UBE2E2: variants seen among roughly 807,000 people sequenced by gnomAD.
UBE2E2 encodes the protein ubiquitin-conjugating enzyme E2 E2.
Under a neutral mutation model 24.7 loss-of-function variants are expected in UBE2E2, and 6 were observed. The ratio of observed to expected loss-of-function variants is 0.24; its 90% CI spans 0.13 to 0.48. The LOEUF (loss-of-function observed/expected upper bound fraction) is 0.48. UBE2E2 is among the 20% of genes least tolerant of loss of function. The pLI, the probability that UBE2E2 is intolerant of heterozygous loss-of-function variation, is 0.99. For missense variants in UBE2E2, 169 were observed against 245.0 expected, an observed-to-expected ratio of 0.69 and a Z score of 2.07; for synonymous variants, 104 against 83.6, an observed-to-expected ratio of 1.24 and a Z score of -1.33.
In UBE2E2 at chr3:23,583,494, C is replaced by T. The variant is rs1025959293; in HGVS notation, c.509-6240C>T. 9.2e-5 allele frequency among the ~76,000 whole-genome samples: 14 copies of T among 152,268 alleles called. No individual in the cohort carries two copies. The highest frequency in any genetic ancestry group is 1.3e-4 in the Non-Finnish European group (9 of 68,012). ...GTCATTGGTAGTTTGATAGAAATAG[C>T]GTTGCACCTGTAAATTGCTTTGGGC... On this transcript the variant is annotated intron_variant, in intron 5 of 5. Transcript: ENST00000396703. This position sits in a 1 kb window ranked among gnomAD's most constrained non-coding sequence, Gnocchi z 4.1.
intron 3 of UBE2E2, among the ~76,000 whole-genome samples, chr3:23,355,057 T>G (rs952746346): frequency 2.0e-5 from 3 of 151,842 alleles, no homozygotes; most frequent in Non-Finnish European, 2.9e-5. Context: ...CCATAAAAAA[T>G]GATGAGTTCA....
At chr3:23,249,540 G>A (rs768664333) in intron 3 of UBE2E2, among the ~76,000 whole-genome samples, 10 of 152,110 alleles carry the variant, frequency 6.6e-5, no homozygotes, top group Non-Finnish European at 1.3e-4. Context: ...CAGGATAAAC[G>A]TAGTTAAATT....
chr3:23,408,952 C>G (rs991788480), intron 3 of UBE2E2, among the ~76,000 whole-genome samples: 1 of 152,038 alleles, frequency 6.6e-6, no homozygotes, highest in East Asian at 1.9e-4. Context: ...ATGCTTAATT[C>G]CTACTTCTGT....
chr3:23,379,850 A>C (rs1239407549), intron 3 of UBE2E2, among the ~76,000 whole-genome samples: 2 of 152,076 alleles, frequency 1.3e-5, no homozygotes, highest in Non-Finnish European at 2.9e-5. Context: ...CTAGGGCAGA[A>C]AGGAGTTTGG....
chr3:23,518,915 T>A (rs2125472900), intron 4 of UBE2E2, among the ~76,000 whole-genome samples: 1 of 152,322 alleles, frequency 6.6e-6, no homozygotes, highest in Non-Finnish European at 1.5e-5. Context: ...TAGGAATAAG[T>A]TAGTGTCATC....
intron 3 of UBE2E2, among the ~76,000 whole-genome samples, chr3:23,443,151 C>T (rs999411726): frequency 3.9e-5 from 6 of 152,194 alleles, no homozygotes; most frequent in African/African-American, 1.4e-4. Context: ...TCTTCCTACT[C>T]TGTCTTTCCC....
intron 3 of UBE2E2, among the ~76,000 whole-genome samples, chr3:23,299,319 C>G (rs569274986): frequency 1.3e-5 from 2 of 152,274 alleles, no homozygotes; most frequent in African/African-American, 2.4e-5. Context: ...TTCTTGCCTT[C>G]TGCTAGCTTT....
At chr3:23,230,636 A>T (rs1696949909) in intron 3 of UBE2E2, among the ~76,000 whole-genome samples, 2 of 151,922 alleles carry the variant, frequency 1.3e-5, no homozygotes, top group South Asian at 4.2e-4. Flanking sequence ...AATACAAAAA[A>T]TTAGCCCGGC....
At chr3:23,251,309 A>G (rs1440427006) in intron 3 of UBE2E2, among the ~76,000 whole-genome samples, 3 of 152,178 alleles carry the variant, frequency 2.0e-5, no homozygotes, top group Admixed American at 2.0e-4. Flanking sequence ...GCCCCCCTCA[A>G]AAAGATGAAG....
intron 3 of UBE2E2, among the ~76,000 whole-genome samples, chr3:23,269,299 C>T (rs1372092167): frequency 6.6e-6 from 1 of 152,182 alleles, no homozygotes; most frequent in African/African-American, 2.4e-5. Flanking sequence ...TCACAACCTA[C>T]TCATCTGACA....
At chr3:23,228,423 AG>A (rs1696881538) in intron 3 of UBE2E2, among the ~76,000 whole-genome samples, 2 of 152,176 alleles carry the variant, frequency 1.3e-5, no homozygotes, top group African/African-American at 4.8e-5. Context: ...CTTTAGAGAT[AG>A]GAAGTGTCAT....
intron 3 of UBE2E2, among the ~76,000 whole-genome samples, chr3:23,241,709 G>C (rs1057351780): frequency 6.6e-6 from 1 of 152,078 alleles, no homozygotes; most frequent in African/African-American, 2.4e-5. Context: ...AGTTTCTTAT[G>C]ATTAACTGTG....
At chr3:23,312,443 A>G (rs1204377128) in intron 3 of UBE2E2, among the ~76,000 whole-genome samples, 4 of 152,004 alleles carry the variant, frequency 2.6e-5, no homozygotes, top group South Asian at 2.1e-4. Flanking sequence ...ATTATTGACT[A>G]TAACCCACCC....
chr3:23,563,199 G>C (rs919480167), intron 5 of UBE2E2, among the ~76,000 whole-genome samples: 1 of 152,020 alleles, frequency 6.6e-6, no homozygotes, highest in Non-Finnish European at 1.5e-5. Context: ...TTTCTCTTAT[G>C]GGCATTTAGT....
At chr3:23,222,325 T>G (rs1390236032) in intron 3 of UBE2E2, among the ~76,000 whole-genome samples, 1 of 152,216 alleles carries the variant, frequency 6.6e-6, no homozygotes, top group African/African-American at 2.4e-5. Flanking sequence ...TGCAGATATC[T>G]CTTTGATACA....
intron 3 of UBE2E2, among the ~76,000 whole-genome samples, chr3:23,352,687 G>T (rs904942325): frequency 8.5e-5 from 13 of 152,146 alleles, no homozygotes; most frequent in African/African-American, 2.9e-4. Flanking sequence ...AAACCAGGAA[G>T]AAGTTGAATC....
chr3:23,384,787 C>T (rs1201662682), intron 3 of UBE2E2, among the ~76,000 whole-genome samples: 1 of 152,126 alleles, frequency 6.6e-6, no homozygotes, highest in African/African-American at 2.4e-5. Context: ...GTGATCCGCC[C>T]ACCTCGGCGT....
downstream of UBE2E2, chr3:23,591,845 A>G (rs1374989036): frequency 2.0e-5 from 3 of 152,164 alleles, no homozygotes; most frequent in Non-Finnish European, 2.9e-5. Context: ...TCTCACCACA[A>G]AGTTTTTTAT....
At chr3:23,204,256 C>T (rs1696065479) in intron 1 of UBE2E2, among the ~76,000 whole-genome samples, 1 of 151,894 alleles carries the variant, frequency 6.6e-6, no homozygotes. Flanking sequence ...TTTTCCCCCA[C>T]GACCAACCAG....
Sources: allele counts gnomAD v4.1 joint callset (sites outside exome capture counted in the v4.1 genomes callset), GRCh38; gene constraint gnomAD v4.1.1; non-coding constraint Gnocchi (gnomAD v3.1); transcripts MANE v1.5; gene names NCBI Gene and HGNC (gene_info 2026-07-23, HGNC 2026-07-21).